CADM2: variants seen among roughly 807,000 people sequenced by gnomAD.
CADM2 encodes the protein immunoglobulin superfamily member 4D.
A neutral mutation model predicts 49.8 loss-of-function variants in CADM2; 12 were observed. The ratio of observed to expected loss-of-function variants is 0.24; its 90% CI spans 0.15 to 0.39. The LOEUF is 0.39. Ranked by LOEUF, CADM2 falls within the 10% of genes least tolerant of loss-of-function variation. The probability of loss-of-function intolerance (pLI) is 1.00; values close to 1 mark genes in which losing one functional copy is unlikely to be tolerated. For missense variants in CADM2, 378 were observed against 492.3 expected, an observed-to-expected ratio of 0.77 and a Z score of 2.20; for synonymous variants, 214 against 175.4, an observed-to-expected ratio of 1.22 and a Z score of -1.74.
Position 85,002,122 on chromosome 3 carries a change from AT to A in CADM2, c.61+42457del, listed in dbSNP as rs752314655. Among the ~76,000 whole-genome samples, 258 of 152,176 alleles carry A rather than the reference AT, an allele frequency of 1.7e-3. 4 individuals carry two copies. Among genetic ancestry groups the A allele is most frequent in the Non-Finnish European group, 9.7e-4 (66 of 67,984 alleles). On this transcript the variant is annotated intron_variant, in intron 1 of 9. Transcript: ENST00000383699. ...ATGATTTGCTCAATCTGATATTTAC[AT>A]TTAGTAGCAACATCATTTCTTAATA... is the stretch of plus-strand genomic sequence containing the variant.
At chr3:85,892,481 T>C (rs1455260999) in intron 5 of CADM2, among the ~76,000 whole-genome samples, 2 of 152,106 alleles carry the variant, frequency 1.3e-5, no homozygotes, top group East Asian at 1.9e-4. Context: ...AATTGAATCA[T>C]GGGGGTGTGT....
chr3:85,659,730 C>T (rs1355375456), intron 1 of CADM2, among the ~76,000 whole-genome samples: 1 of 152,060 alleles, frequency 6.6e-6, no homozygotes, highest in East Asian at 1.9e-4. Context: ...ATATGTGTTA[C>T]CCAGGATCTT....
intron 1 of CADM2, among the ~76,000 whole-genome samples, chr3:85,389,357 T>C (rs2034405311): frequency 6.6e-6 from 1 of 152,094 alleles, no homozygotes; most frequent in Non-Finnish European, 1.5e-5. Flanking sequence ...TAAATAATTG[T>C]CTTCATTTTA....
In CADM2 at chr3:85,568,471, C is replaced by CTT. The variant is rs1559916068; in HGVS notation, c.62-158050_62-158049insTT. Reference sequence around the variant, plus strand: ...TCTTTCTTTCTTTCTTTCTCTTTCTCTCTCTTTCTTTCTTTCTTTCTTTCT... The same window carrying CTT: ...TCTTTCTTTCTTTCTTTCTCTTTCTCTTTCTCTTTCTTTCTTTCTTTCTTTCT... On this transcript the variant is annotated intron_variant, in intron 1 of 9. Coordinates refer to ENST00000383699, the MANE Select transcript of CADM2 (RefSeq NM_001167675.2). Among the ~76,000 whole-genome samples, 52 of 10,020 alleles carry CTT rather than the reference C, an allele frequency of 5.2e-3. 1 individual carries two copies. The highest frequency in any genetic ancestry group is 9.6e-3 in the African/African-American group (45 of 4,700). The allele number at this position is 10,020 out of a possible 152,430, so 6.6% of individuals were successfully genotyped here.
At chr3:86,061,900 C>T (rs1322592011) in intron 8 of CADM2, among the ~76,000 whole-genome samples, 1 of 151,698 alleles carries the variant, frequency 6.6e-6, no homozygotes, top group East Asian at 1.9e-4. Flanking sequence ...TGTTACTTTT[C>T]CACATCAGAA....
intron 2 of CADM2, among the ~76,000 whole-genome samples, chr3:85,745,840 TTC>T (rs1483641855): frequency 6.6e-6 from 1 of 152,106 alleles, no homozygotes; most frequent in African/African-American, 2.4e-5. Context: ...GTTGAATATT[TTC>T]TTTCTGAGAT....
At chr3:85,689,705 T>TGATTTTAAAAA (rs1255362848) in intron 1 of CADM2, among the ~76,000 whole-genome samples, 2 of 152,196 alleles carry the variant, frequency 1.3e-5, no homozygotes, top group Non-Finnish European at 2.9e-5. Flanking sequence ...GGTATAGAGT[T>TGATTTTAAAAA]GATTTTAAAA....
chr3:85,799,272 C>T lies in CADM2; in HGVS notation c.89-2775C>T, dbSNP rs148391282. Among the ~76,000 whole-genome samples the T allele has an allele frequency of 5.3e-4, 80 of 152,198 alleles. 1 individual carries two copies. The South Asian group carries it at 7.7e-3, about 15-fold the overall frequency. ...TTGAATACCCTTTATTTCTTTCTCT[C>T]GCCTGATTGTTCTGGCTAGAATTTC... On this transcript the variant is annotated intron_variant, in intron 2 of 9. Transcript: ENST00000383699.
intron 1 of CADM2, among the ~76,000 whole-genome samples, chr3:85,445,759 A>G (rs975248225): frequency 1.3e-5 from 2 of 152,150 alleles, no homozygotes; most frequent in Non-Finnish European, 2.9e-5. Flanking sequence ...ACTGAAGTAC[A>G]AACAGAGTGC....
chr3:86,032,993 TC>T (rs1387920848), intron 8 of CADM2, among the ~76,000 whole-genome samples: 1 of 151,942 alleles, frequency 6.6e-6, no homozygotes, highest in African/African-American at 2.4e-5. Flanking sequence ...CAATCTCTTT[TC>T]CTTTTTCTTA....
At chr3:85,483,263 C>G (rs1266749519) in intron 1 of CADM2, among the ~76,000 whole-genome samples, 1 of 151,390 alleles carries the variant, frequency 6.6e-6, no homozygotes, top group African/African-American at 2.4e-5. Context: ...ATTCCTTAAA[C>G]AATGTTACCT....
intron 1 of CADM2, among the ~76,000 whole-genome samples, chr3:85,615,118 A>G (rs138918670): frequency 1.3e-5 from 2 of 151,684 alleles, no homozygotes; most frequent in Non-Finnish European, 2.9e-5. Flanking sequence ...CATACTCTTT[A>G]TTTATTTATA....
At chr3:85,601,583 A>G (rs973445663) in intron 1 of CADM2, among the ~76,000 whole-genome samples, 1 of 151,568 alleles carries the variant, frequency 6.6e-6, no homozygotes, top group African/African-American at 2.4e-5. Context: ...TTTGTATAGA[A>G]CAAAATCTTT....
intron 1 of CADM2, among the ~76,000 whole-genome samples, chr3:85,444,335 G>T (rs2037346429): frequency 6.6e-6 from 1 of 151,772 alleles, no homozygotes; most frequent in South Asian, 2.1e-4. Context: ...TCTATCAAAT[G>T]AAAATAAAAT....
intron 8 of CADM2, chr3:86,013,238 C>T: frequency 2.1e-6 from 3 of 1,448,068 alleles, no homozygotes; most frequent in Non-Finnish European, 1.9e-6. Flanking sequence ...CATAAACCAA[C>T]AATAGCAATG....
At chr3:85,489,818 A>AGAGAGAGAGAGCAAAGCAAGG (rs2039594208) in intron 1 of CADM2, among the ~76,000 whole-genome samples, 1 of 151,286 alleles carries the variant, frequency 6.6e-6, no homozygotes, top group East Asian at 1.9e-4. Flanking sequence ...AGAGAGAGAG[A>AGAGAGAGAGAGCAAAGCAAGG]GAGAGAGAGC....
chr3:85,252,237 A>C (rs1380478612), intron 1 of CADM2, among the ~76,000 whole-genome samples: 1 of 152,026 alleles, frequency 6.6e-6, no homozygotes, highest in African/African-American at 2.4e-5. Context: ...ATGTTAACAA[A>C]CAGCACAATT....
intron 2 of CADM2, among the ~76,000 whole-genome samples, chr3:85,735,557 T>G: frequency 6.6e-6 from 1 of 152,068 alleles, no homozygotes; most frequent in Non-Finnish European, 1.5e-5. Context: ...TTTAAGAGGA[T>G]CAATTTGGTT....
intron 1 of CADM2, among the ~76,000 whole-genome samples, chr3:85,268,547 TTGTG>T (rs1010319547): frequency 2.0e-5 from 3 of 151,324 alleles, no homozygotes; most frequent in Non-Finnish European, 4.4e-5. Flanking sequence ...TTTAATAAAT[TTGTG>T]TGCATATTAT....
Sources: allele counts gnomAD v4.1 joint callset (sites outside exome capture counted in the v4.1 genomes callset), GRCh38; gene constraint gnomAD v4.1.1; transcripts MANE v1.5; gene names NCBI Gene and HGNC (gene_info 2026-07-23, HGNC 2026-07-21).